ABCD3: variants seen among roughly 807,000 people sequenced by gnomAD.
The protein encoded by ABCD3 is ATP-binding cassette sub-family D member 3.
In ABCD3, 41 loss-of-function variants were observed where a neutral mutation model predicts 105.5. That is an observed-to-expected ratio of 0.39 (90% CI 0.30 to 0.50). The LOEUF (loss-of-function observed/expected upper bound fraction) is 0.50, where lower values mean the gene tolerates loss of function less well. Ranked by LOEUF, ABCD3 falls within the 20% of genes least tolerant of loss-of-function variation. The pLI is 0.84. For synonymous variants in ABCD3, 258 were observed against 269.0 expected, an observed-to-expected ratio of 0.96 and a Z score of 0.40; for missense variants, 622 against 806.3, an observed-to-expected ratio of 0.77 and a Z score of 2.77.
In ABCD3 at chr1:94,418,498, A is replaced by C; in HGVS notation, c.20A>C (p.Tyr7Ser). The C allele has an allele frequency of 6.2e-7, 1 of 1,604,336 alleles. No homozygotes were observed. Among genetic ancestry groups the C allele is most frequent in the South Asian group, 1.1e-5 (1 of 90,746 alleles). MAAFSK[Y>S]LTARNSSLAG... ...AGTGCCATGGCGGCCTTCAGCAAGT[A>C]CTTGACGGCGCGAAACTCCTCGCTG... Residue 7 changes from tyrosine (Y) to serine (S), a missense_variant, in exon 1 of 23, where the codon TAC (tyrosine) becomes TCC (serine). Physicochemically the swap from Tyr to Ser is moderately radical, Grantham distance 144 (BLOSUM62 -2). Coordinates refer to ENST00000370214, the MANE Select transcript of ABCD3 (RefSeq NM_002858.4).
chr1:94,455,976 A>T (rs887778218), intron 1 of ABCD3, among the ~76,000 whole-genome samples: 1 of 152,086 alleles, frequency 6.6e-6, no homozygotes, highest in African/African-American at 2.4e-5. Context: ...ACATTGTGAA[A>T]TGATTACTAT....
intron 1 of ABCD3, chr1:94,455,805 G>A (rs1452390942): frequency 7.8e-7 from 1 of 1,282,304 alleles, no homozygotes; most frequent in African/African-American, 1.5e-5. Flanking sequence ...TGACTCATTG[G>A]TAGGTGTGTG....
chr1:94,419,057 G>C (rs774178127), intron 1 of ABCD3: 44 of 171,558 alleles, frequency 2.6e-4, no homozygotes, highest in Non-Finnish European at 4.2e-4. Context: ...CTGGAGGCTG[G>C]TGTCTAAGTC....
chr1:94,479,327 A>G (rs1404028842), intron 8 of ABCD3, among the ~76,000 whole-genome samples: 4 of 151,764 alleles, frequency 2.6e-5, no homozygotes, highest in Non-Finnish European at 5.9e-5. Context: ...CTCCATGTCT[A>G]CTTGTTATCT....
intron 10 of ABCD3, among the ~76,000 whole-genome samples, chr1:94,486,426 A>G (rs942297281): frequency 2.0e-5 from 3 of 152,148 alleles, no homozygotes; most frequent in Non-Finnish European, 4.4e-5. Flanking sequence ...TCTCTGTTCT[A>G]TTCATTGTAT....
the ABCD3 span, among the ~76,000 whole-genome samples, chr1:94,398,803 A>T: frequency 3.3e-5 from 5 of 152,054 alleles, no homozygotes; most frequent in African/African-American, 4.8e-5. Context: ...TATTCCAGCT[A>T]CTCTGGAGGC....
intron 1 of ABCD3, among the ~76,000 whole-genome samples, chr1:94,457,987 A>G (rs1419570421): frequency 6.6e-6 from 1 of 152,220 alleles, no homozygotes; most frequent in South Asian, 2.1e-4. Context: ...GTAGAAGCAT[A>G]GGGTGCCATG....
the ABCD3 span, among the ~76,000 whole-genome samples, chr1:94,404,083 C>T: frequency 6.6e-6 from 1 of 152,116 alleles, no homozygotes; most frequent in African/African-American, 2.4e-5. Flanking sequence ...ACAAATTATA[C>T]AATCACATCT....
chr1:94,442,619 C>T (rs1019158538), intron 1 of ABCD3, among the ~76,000 whole-genome samples: 24 of 152,146 alleles, frequency 1.6e-4, no homozygotes, highest in Admixed American at 6.5e-5. Flanking sequence ...ACCCTCACCC[C>T]GCCACCCTCC....
chr1:94,494,026 A>T (rs1270321677), intron 16 of ABCD3, among the ~76,000 whole-genome samples: 4 of 152,138 alleles, frequency 2.6e-5, no homozygotes, highest in Non-Finnish European at 5.9e-5. Flanking sequence ...GCACACCAGC[A>T]TGTCACATGT....
At chr1:94,444,377 C>G (rs1233345945) in intron 1 of ABCD3, among the ~76,000 whole-genome samples, 2 of 149,456 alleles carry the variant, frequency 1.3e-5, no homozygotes, top group African/African-American at 2.4e-5. Flanking sequence ...GTTGTCCGGG[C>G]TGGTCTCAAA....
intron 9 of ABCD3, chr1:94,482,394 A>G (rs2101009664): frequency 6.6e-6 from 1 of 152,332 alleles, no homozygotes; most frequent in Non-Finnish European, 1.5e-5. Flanking sequence ...ACTTCTCTAT[A>G]AATATTTTTC....
Position 94,487,658 on chromosome 1 carries a change from C to T in ABCD3, c.968-36C>T, listed in dbSNP as rs149700606. 780 of 1,612,404 alleles carry T rather than the reference C, an allele frequency of 4.8e-4. No homozygotes were observed. The African/African-American group carries it at 9.3e-3, about 19-fold the overall frequency. On this transcript the variant is annotated intron_variant, in intron 11 of 22. Coordinates refer to ENST00000370214, the MANE Select transcript of ABCD3 (RefSeq NM_002858.4). The stretch of plus-strand genomic sequence containing the variant: ...TGAGATTTGTGGAAAAGGTGAAATA[C>T]TGTTACTGTTTTAAATCTTACCTGT...
At chr1:94,490,865 A>G (rs1438924425) in intron 15 of ABCD3, among the ~76,000 whole-genome samples, 1 of 152,080 alleles carries the variant, frequency 6.6e-6, no homozygotes, top group Non-Finnish European at 1.5e-5. Context: ...TAATAGCTGT[A>G]CTATTTGTAG....
the ABCD3 span, among the ~76,000 whole-genome samples, chr1:94,407,849 A>C: frequency 6.6e-6 from 1 of 152,256 alleles, no homozygotes; most frequent in African/African-American, 2.4e-5. Context: ...ACAACAACAA[A>C]CAAAAAATAA....
chr1:94,431,108 T>G (rs1659654952), intron 1 of ABCD3, among the ~76,000 whole-genome samples: 1 of 152,226 alleles, frequency 6.6e-6, no homozygotes, highest in Non-Finnish European at 1.5e-5. Context: ...ACTTTTATCT[T>G]GCCTATAAAA....
At chr1:94,474,948 A>G (rs1648662390) in intron 5 of ABCD3, among the ~76,000 whole-genome samples, 195 bp from the exon 6 acceptor site, 1 of 152,154 alleles carries the variant, frequency 6.6e-6, no homozygotes, top group Non-Finnish European at 1.5e-5. Context: ...TGTAAACTTT[A>G]ACATAGAATA....
At chr1:94,405,180 G>A in the ABCD3 span, among the ~76,000 whole-genome samples, 16 of 152,028 alleles carry the variant, frequency 1.1e-4, no homozygotes, top group African/African-American at 3.9e-4. Flanking sequence ...AACACTCTAG[G>A]GTAAATGCCT....
chr1:94,469,532 G>T (rs1310481622), intron 4 of ABCD3, among the ~76,000 whole-genome samples: 1 of 143,746 alleles, frequency 7.0e-6, no homozygotes. Context: ...CCCTAATTCA[G>T]TTTGAGCTTT....
Sources: allele counts gnomAD v4.1 joint callset (sites outside exome capture counted in the v4.1 genomes callset), GRCh38; gene constraint gnomAD v4.1.1; transcripts MANE v1.5; gene names NCBI Gene and HGNC (gene_info 2026-07-23, HGNC 2026-07-21).